FBF1: variants seen among roughly 807,000 people sequenced by gnomAD.
FBF1 encodes the protein fas-binding factor 1.
In FBF1, 119 loss-of-function variants were observed where a neutral mutation model predicts 147.2. The ratio of observed to expected loss-of-function variants is 0.81; its 90% CI spans 0.70 to 0.94. The LOEUF is 0.94. Ranked by LOEUF, FBF1 falls within the 40% of genes least tolerant of loss-of-function variation. FBF1 has a pLI of 0.00. For synonymous variants in FBF1, 601 were observed against 609.0 expected (o/e 0.99, Z 0.19); for missense variants, 1,449 against 1,500.8 (o/e 0.97, Z 0.57).
chr17:75,932,723 T>C (rs1431241760), intron 5 of FBF1, among the ~76,000 whole-genome samples: 1 of 151,994 alleles, frequency 6.6e-6, no homozygotes, highest in African/African-American at 2.4e-5. Flanking sequence ...TTGTCTCTAC[T>C]AAAAATACAA....
rs2065509119 is a variant in FBF1, at chr17:75,919,354, T to TA, written c.2138+313dup. Among the ~76,000 whole-genome samples, 2 of 152,262 alleles carry TA rather than the reference T, an allele frequency of 1.3e-5. No homozygotes were observed. The highest frequency in any genetic ancestry group is 1.5e-5 in the Non-Finnish European group (1 of 68,038). ...GCCTTTCCCAGGTGGATCTTGTTTC[T>TA]AGCCTCTACTGCATGAGCAGGCGAG... On this transcript the variant is annotated intron_variant, in intron 20 of 29. Transcript: ENST00000636174. The surrounding 1 kb of genome is among the most constrained non-coding windows in gnomAD (Gnocchi z 5.0).
In FBF1 at chr17:75,914,856, G is replaced by A; in HGVS notation, c.2705C>T (p.Ala902Val). ...EERRRLAAEW[A>V]EFSAQQKLSK... ...CAGCTTTTGCTGCGCGGAGAACTCC[G>A]CCCACTCGGCAGCCAGGCGCCGCCG... The change falls in exon 25 of 30, where the codon GCG (alanine) becomes GTG (valine). Residue 902 changes from alanine (A) to valine (V), a missense_variant. By Grantham distance (64) the Ala-to-Val change is moderately conservative. Transcript: ENST00000636174. 6.2e-7 allele frequency: 1 copy of A among 1,606,250 alleles called. No homozygotes were observed. The highest frequency in any genetic ancestry group is 8.5e-7 in the Non-Finnish European group (1 of 1,177,138).
chr17:75,918,107 C>T lies in FBF1; in HGVS notation c.2247-37G>A, dbSNP rs200917155. On this transcript the variant is annotated intron_variant, in intron 21 of 29. Coordinates refer to ENST00000636174, the MANE Select transcript of FBF1 (RefSeq NM_001319193.2). The surrounding 1 kb of genome is among the most constrained non-coding windows in gnomAD (Gnocchi z 5.8). Reference sequence around the variant, plus strand: ...CTGGGTCACCCCCTCCTGACGGTCTCGGGGACCTTCCGGCCCCCAACGTCA... The same window carrying T: ...CTGGGTCACCCCCTCCTGACGGTCTTGGGGACCTTCCGGCCCCCAACGTCA... The T allele has an allele frequency of 1.2e-4, 185 of 1,606,882 alleles. No individual in the cohort carries two copies. The African/African-American group carries it at 2.1e-3, about 19-fold the overall frequency.
In FBF1 at chr17:75,913,938, C is replaced by T. The variant is rs768113815; in HGVS notation, c.3104G>A (p.Arg1035Gln). 4 of 1,547,168 alleles carry T rather than the reference C, an allele frequency of 2.6e-6. No homozygotes were observed. Among genetic ancestry groups the T allele is most frequent in the African/African-American group, 2.7e-5 (2 of 73,378 alleles). Residue 1035 changes from arginine to glutamine, a missense_variant, in exon 27 of 30, where the codon CGG becomes CAG. Transcript: ENST00000636174. Reference protein sequence around the residue: ...QAVQQQQERLRKQEQHMHQEH... With the variant: ...QAVQQQQERLQKQEQHMHQEH... Reference sequence around the variant, plus strand: ...CTGGTGCATGTGCTGCTCCTGCTTCCGCAGCCGCTCCTGCTGTTGCTGCAC... The same window carrying T: ...CTGGTGCATGTGCTGCTCCTGCTTCTGCAGCCGCTCCTGCTGTTGCTGCAC...
chr17:75,937,431 A>C, intron 3 of FBF1, 135 bp downstream of exon 3: 1 of 909,154 alleles, frequency 1.1e-6, no homozygotes, highest in Non-Finnish European at 1.7e-6. Flanking sequence ...CGGCCTCCCA[A>C]AGCGCTGGGA....
At position 75,918,778 on chromosome 17, in the gene FBF1, C is replaced by T. The variant is rs1300978619; in HGVS notation, c.2139-509G>A. On this transcript the variant is annotated intron_variant, in intron 20 of 29. Transcript: ENST00000636174. This position sits in a 1 kb window ranked among gnomAD's most constrained non-coding sequence, Gnocchi z 5.8. ...AAGCACTGGGATTACAGGTGTGAGC[C>T]ACCACGCCCGGCCCCAAGCAGTCTT... is the stretch of plus-strand genomic sequence containing the variant. 6.6e-6 allele frequency among the ~76,000 whole-genome samples: 1 copy of T among 151,258 alleles called. No individual in the cohort carries two copies. Among genetic ancestry groups the T allele is most frequent in the African/African-American group, 2.4e-5 (1 of 41,140 alleles).
At position 75,917,783 on chromosome 17, in the gene FBF1, G is replaced by C; in HGVS notation, c.2454C>G (p.Val818=). 6.2e-7 allele frequency: 1 copy of C among 1,611,038 alleles called. No homozygotes were observed. The highest frequency in any genetic ancestry group is 1.1e-5 in the South Asian group (1 of 90,550). The change falls in exon 23 of 30, where the codon GTC becomes GTG. Residue 818 remains valine (V), a synonymous_variant. Transcript: ENST00000636174. ...MEEERSRQQE[V]IGKMEARLNE... ...TCAGCCGTGCCTCCATCTTCCCGAT[G>C]ACCTCCTGTTGCCGGCTCCGCTCCT...
chr17:75,913,392 CCTGCCTCGG>C (rs2065467071), intron 28 of FBF1: 1 of 239,050 alleles, frequency 4.2e-6, no homozygotes, highest in Non-Finnish European at 8.0e-6. Context: ...AGATGATCCG[CCTGCCTCGG>C]CTGCCGAAAG....
At chr17:75,915,399 G>A (rs1006265943) in intron 23 of FBF1, among the ~76,000 whole-genome samples, 5 of 152,206 alleles carry the variant, frequency 3.3e-5, no homozygotes, top group African/African-American at 1.2e-4. Flanking sequence ...CAGCTTGGGA[G>A]GGCCAAAGAG....
rs1385816455 is a variant in FBF1 at position 75,926,180 on chromosome 17, A to G, written c.735-17T>C. The stretch of plus-strand genomic sequence containing the variant: ...GGCCCTTCCCTGCAGGACGGGACAC[A>G]CGGCAGGAACGTGTAGGTATGAGGG... On this transcript the variant is annotated splice_polypyrimidine_tract_variant and intron_variant, in intron 11 of 29. Coordinates refer to ENST00000636174, the MANE Select transcript of FBF1 (RefSeq NM_001319193.2). 1 of 1,605,744 alleles carries G rather than the reference A, an allele frequency of 6.2e-7. No homozygotes were observed.
intron 28 of FBF1, 40 bp downstream of exon 28, chr17:75,913,662 C>T (rs1405261029): frequency 6.6e-7 from 1 of 1,515,742 alleles, no homozygotes; most frequent in South Asian, 1.2e-5. Flanking sequence ...TGCCCCTGCC[C>T]AGTCCTGAGC....
chr17:75,922,088 C>A lies in FBF1; in HGVS notation c.1425-42G>T. The A allele has an allele frequency of 6.6e-7, 1 of 1,524,646 alleles. No homozygotes were observed. The highest frequency in any genetic ancestry group is 8.9e-7 in the Non-Finnish European group (1 of 1,123,308). 94.4% of individuals were successfully genotyped at this position (1,524,646 alleles called of 1,614,324 possible). A position where few individuals can be genotyped will look rare whatever the true frequency, so the allele number is the denominator to read the frequency against. On this transcript the variant is annotated intron_variant, in intron 14 of 29. Transcript: ENST00000636174. The surrounding 1 kb of genome is among the most constrained non-coding windows in gnomAD (Gnocchi z 5.0). ...TTCAAGGTGAAGGTGACAGAAGGCC[C>A]AGGTCAGGCTGGATGAAGACAGGGC...
chr17:75,924,065 T>C (rs2065545789), intron 13 of FBF1, among the ~76,000 whole-genome samples: 1 of 149,810 alleles, frequency 6.7e-6, no homozygotes. Context: ...CACAAAAAAA[T>C]TAGTCAGGTG....
rs146364355 is a variant in FBF1, at chr17:75,927,116, G to A, written c.476-239C>T. Among the ~76,000 whole-genome samples, 906 of 152,304 alleles carry A rather than the reference G, an allele frequency of 5.9e-3. 12 individuals are homozygous for A. The highest frequency in any genetic ancestry group is 0.02 in the African/African-American group (842 of 41,582). ...CTACGGGGCCTGCCTCAGGCTTGCC[G>A]GTGGGGCCTCTGACTCTGCAGGCTG... On this transcript the variant is annotated intron_variant, in intron 9 of 29. Coordinates refer to ENST00000636174, the MANE Select transcript of FBF1 (RefSeq NM_001319193.2).
chr17:75,928,267 G>T lies in FBF1; in HGVS notation c.280-74C>A. 8.5e-7 allele frequency: 1 copy of T among 1,172,804 alleles called. No homozygotes were observed. The allele number at this position is 1,172,804 out of a possible 1,614,324, so 72.6% of individuals were successfully genotyped here. A position where few individuals can be genotyped will look rare whatever the true frequency, so the allele number is the denominator to read the frequency against. ...GAGGACTTCCACCTGAGAGAGATGG[G>T]CTGTTGGCACCCCAGGTGTAGAATT... On this transcript the variant is annotated intron_variant, in intron 7 of 29. Coordinates refer to ENST00000636174, the MANE Select transcript of FBF1 (RefSeq NM_001319193.2). This position sits in a 1 kb window ranked among gnomAD's most constrained non-coding sequence, Gnocchi z 4.2.
intron 3 of FBF1, among the ~76,000 whole-genome samples, chr17:75,937,311 C>T (rs941967047): frequency 6.6e-6 from 1 of 151,984 alleles, no homozygotes; most frequent in South Asian, 2.1e-4. Context: ...GCTGGGACTA[C>T]AGGCACCCGC....
chr17:75,939,855 C>T (rs1351960051), intron 1 of FBF1: 1 of 152,236 alleles, frequency 6.6e-6, no homozygotes, highest in Non-Finnish European at 1.5e-5. Flanking sequence ...CAGAGGGGTC[C>T]TCTTTATGTC....
In FBF1 at chr17:75,914,029, C is replaced by T. The variant is rs774182959; in HGVS notation, c.3013G>A (p.Glu1005Lys). ...MSKVASEKYE[E>K]GERALREAQQ... is the part of the protein sequence containing the mutation. ...GCCTCGCGCAATGCCCGCTCCCCCT[C>T]CTCGTACTTCTCGGAGGCCACCTGC... Residue 1005 changes from glutamate to lysine, a missense_variant, in exon 27 of 30, where the codon GAG (glutamate) becomes AAG (lysine). Glu to Lys is a moderately conservative substitution (Grantham distance 56). Coordinates refer to ENST00000636174, the MANE Select transcript of FBF1 (RefSeq NM_001319193.2). 8.8e-6 allele frequency: 14 copies of T among 1,588,068 alleles called. No homozygotes were observed. Among genetic ancestry groups the T allele is most frequent in the South Asian group, 3.4e-5 (3 of 88,486 alleles).
In FBF1 at chr17:75,918,060, T is replaced by C. The variant is rs2065500039; in HGVS notation, c.2257A>G (p.Ser753Gly). 1 of 1,609,222 alleles carries C rather than the reference T, an allele frequency of 6.2e-7. No homozygotes were observed. The highest frequency in any genetic ancestry group is 1.3e-5 in the African/African-American group (1 of 74,846). The stretch of plus-strand genomic sequence containing the variant: ...AACTTCTCCATCTGGTGGATGATGC[T>C]ATTCAGGGACCTGGAAGAAGACTGG... Reference protein sequence around the residue: ...SATSHTRSLNSIIHQMEKFSS... With the variant: ...SATSHTRSLNGIIHQMEKFSS... The change falls in exon 22 of 30, where the codon AGC becomes GGC. Residue 753 changes from serine (S) to glycine (G), a missense_variant. Transcript: ENST00000636174. The surrounding 1 kb of genome is among the most constrained non-coding windows in gnomAD (Gnocchi z 5.8).
Sources: gnomAD v4.1 joint callset for allele counts (sites outside exome capture counted in the v4.1 genomes callset) on GRCh38, gnomAD v4.1.1 for gene constraint, Gnocchi (gnomAD v3.1) non-coding constraint, MANE v1.5 for transcripts, NCBI Gene and HGNC (gene_info 2026-07-23, HGNC 2026-07-21) for gene names.